NPY2R: variants seen among roughly 807,000 people sequenced by gnomAD.
NPY2R encodes neuropeptide Y receptor Y2.
In NPY2R, 17 loss-of-function variants were observed where a neutral mutation model predicts 22.3. The observed-to-expected ratio is 0.76, with a 90% CI of 0.52 to 1.14. NPY2R has a LOEUF of 1.14. NPY2R is among the 50% of genes most tolerant of loss of function. The probability of loss-of-function intolerance (pLI) is 0.00; values close to 1 mark genes in which losing one functional copy is unlikely to be tolerated. For missense variants in NPY2R, 424 were observed against 467.9 expected, an observed-to-expected ratio of 0.91 and a Z score of 0.87; for synonymous variants, 209 against 183.4, an observed-to-expected ratio of 1.14 and a Z score of -1.13.
chr4:155,205,850 T>TATCTATCTA (rs1409735697), upstream of NPY2R, among the ~76,000 whole-genome samples: 1 of 151,146 alleles, frequency 6.6e-6, no homozygotes, highest in East Asian at 1.9e-4. Context: ...TCTATCTATC[T>TATCTATCTA]ATCTATGATT....
the NPY2R span, among the ~76,000 whole-genome samples, chr4:155,200,647 T>C: frequency 3.3e-5 from 5 of 152,026 alleles, no homozygotes; most frequent in African/African-American, 4.8e-5. Flanking sequence ...ATGTGGTACA[T>C]ATACATCATG....
chr4:155,213,650 C>T (rs41280477), intron 1 of NPY2R, among the ~76,000 whole-genome samples: 4 of 152,016 alleles, frequency 2.6e-5, no homozygotes, highest in Non-Finnish European at 4.4e-5. Flanking sequence ...TATACTTTAC[C>T]GTCATAGCAT....
upstream of NPY2R, chr4:155,208,306 G>C (rs1394368268): frequency 2.0e-5 from 3 of 152,294 alleles, no homozygotes; most frequent in Non-Finnish European, 2.9e-5. The surrounding 1 kb of genome is among the most constrained non-coding windows in gnomAD (Gnocchi z 5.6). Context: ...CGCCTGCCTT[G>C]CTAGGGACCG....
At chr4:155,188,561 C>G in the NPY2R span, among the ~76,000 whole-genome samples, 2 of 151,998 alleles carry the variant, frequency 1.3e-5, no homozygotes, top group African/African-American at 4.8e-5. Context: ...AGGTCTCTTC[C>G]ATGATTATGT....
intron 1 of NPY2R, among the ~76,000 whole-genome samples, chr4:155,211,352 G>A (rs1241846203): frequency 6.6e-6 from 1 of 152,128 alleles, no homozygotes; most frequent in Non-Finnish European, 1.5e-5. Flanking sequence ...GTAACTGAGA[G>A]GCTTCCCAGT....
chr4:155,194,511 A>G, the NPY2R span, among the ~76,000 whole-genome samples: 2 of 151,954 alleles, frequency 1.3e-5, no homozygotes, highest in South Asian at 2.1e-4. Flanking sequence ...TTGACTTTCT[A>G]TATCTGCATT....
chr4:155,213,980 T>C lies in NPY2R; in HGVS notation c.41T>C (p.Val14Ala). 6.2e-7 allele frequency: 1 copy of C among 1,613,902 alleles called. No individual in the cohort carries two copies. Residue 14 changes from valine (V) to alanine (A), a missense_variant, in exon 2 of 2, where the codon GTG becomes GCG. Physicochemically the swap from Val to Ala is moderately conservative, Grantham distance 64. Transcript: ENST00000329476. ...GCAGAGGCTGATGAGAACCAGACAG[T>C]GGAAGAAATGAAGGTGGAACAATAC... The part of the protein sequence containing the change: ...IGAEADENQT[V>A]EEMKVEQYGP...
the NPY2R span, among the ~76,000 whole-genome samples, chr4:155,200,183 G>C: frequency 1.6e-3 from 246 of 152,122 alleles, 2 homozygotes; most frequent in Non-Finnish European, 1.9e-4. Flanking sequence ...TAAAGAAGTG[G>C]GCAAAGGATC....
the NPY2R span, among the ~76,000 whole-genome samples, chr4:155,176,511 A>G: frequency 3.3e-5 from 5 of 152,102 alleles, no homozygotes; most frequent in African/African-American, 1.2e-4. Context: ...AAACTATTAA[A>G]AGGTTCCCTT....
At chr4:155,192,398 T>C in the NPY2R span, among the ~76,000 whole-genome samples, 1 of 151,832 alleles carries the variant, frequency 6.6e-6, no homozygotes, top group Non-Finnish European at 1.5e-5. Flanking sequence ...AGTGAAGACA[T>C]TGTGAAAAAA....
At chr4:155,174,708 G>T in the NPY2R span, among the ~76,000 whole-genome samples, 1 of 151,740 alleles carries the variant, frequency 6.6e-6, no homozygotes, top group East Asian at 1.9e-4. Context: ...TGATAGAAAA[G>T]AATTTTGGGA....
At position 155,214,471 on chromosome 4, in the gene NPY2R, C is replaced by T. The variant is rs749906302; in HGVS notation, c.532C>T (p.Leu178=). Reference sequence around the variant, plus strand: ...TGGCTTGGCCTGGGGCATCAGTGCCCTGCTGGCAAGTCCCCTGGCCATCTT... The same window carrying T: ...TGGCTTGGCCTGGGGCATCAGTGCCTTGCTGGCAAGTCCCCTGGCCATCTT... The part of the protein sequence containing the change: ...IIGLAWGISA[L]LASPLAIFRE... Residue 178 remains leucine (L), a synonymous_variant, in exon 2 of 2, where the codon CTG becomes TTG. Transcript: ENST00000329476. 2 of 1,614,118 alleles carry T rather than the reference C, an allele frequency of 1.2e-6. No homozygotes were observed. Among genetic ancestry groups the T allele is most frequent in the Admixed American group, 1.7e-5 (1 of 60,030 alleles).
At chr4:155,182,064 T>A in the NPY2R span, among the ~76,000 whole-genome samples, 1 of 152,148 alleles carries the variant, frequency 6.6e-6, no homozygotes, top group Non-Finnish European at 1.5e-5. Context: ...CAGAATGGTT[T>A]GTTTCACAGA....
At chr4:155,175,604 C>T in the NPY2R span, among the ~76,000 whole-genome samples, 1 of 151,906 alleles carries the variant, frequency 6.6e-6, no homozygotes, top group Non-Finnish European at 1.5e-5. Context: ...CATATAATAG[C>T]GATTTGTCAG....
At chr4:155,207,491 A>T (rs1729306098), upstream of NPY2R, 1 of 152,242 alleles carries the variant, frequency 6.6e-6, no homozygotes, top group African/African-American at 2.4e-5. Context: ...TACCAGTATC[A>T]GGCTTTCGTT....
At chr4:155,174,484 A>ATATATATATATTTT in the NPY2R span, among the ~76,000 whole-genome samples, 100 of 106,064 alleles carry the variant, frequency 9.4e-4, 1 homozygote, top group African/African-American at 4.3e-3. Flanking sequence ...ATATATATAT[A>ATATATATATATTTT]TTTTTTTTTT....
the NPY2R span, among the ~76,000 whole-genome samples, chr4:155,192,841 A>G: frequency 1.3e-5 from 2 of 151,940 alleles, no homozygotes; most frequent in Admixed American, 6.6e-5. Flanking sequence ...GAGGAAGAGG[A>G]GAAGGAATCA....
chr4:155,203,610 A>G, the NPY2R span, among the ~76,000 whole-genome samples: 8,618 of 152,234 alleles, frequency 0.057, 512 homozygotes, highest in African/African-American at 0.16. Context: ...GCAGGCATAG[A>G]TCCAAACAGA....
chr4:155,189,343 C>T, the NPY2R span, among the ~76,000 whole-genome samples: 2 of 152,032 alleles, frequency 1.3e-5, no homozygotes, highest in African/African-American at 4.8e-5. Context: ...TCCCCTGTGT[C>T]AGCAGTAACT....
Sources: allele counts gnomAD v4.1 joint callset (sites outside exome capture counted in the v4.1 genomes callset), GRCh38; gene constraint gnomAD v4.1.1; non-coding constraint Gnocchi (gnomAD v3.1); transcripts MANE v1.5; gene names NCBI Gene and HGNC (gene_info 2026-07-23, HGNC 2026-07-21).